Variants in CEP89 observed in about 807,000 individuals in gnomAD.
CEP89 encodes centrosomal protein of 89 kDa.
Under a neutral mutation model 97.6 loss-of-function variants are expected in CEP89, and 95 were observed. That is an observed-to-expected ratio of 0.97 (90% CI 0.82 to 1.15). CEP89 has a LOEUF of 1.15. Ranked by LOEUF, CEP89 falls within the 50% of genes most tolerant of loss-of-function variation. The pLI is 0.00. For synonymous variants in CEP89, 354 were observed against 349.1 expected (o/e 1.01, Z -0.16); for missense variants, 869 against 947.7 (o/e 0.92, Z 1.09).
At chr19:32,887,204 G>A (rs1021569214) in intron 17 of CEP89, among the ~76,000 whole-genome samples, 9 of 150,984 alleles carry the variant, frequency 6.0e-5, no homozygotes, top group African/African-American at 1.7e-4. Flanking sequence ...TTTTATTGGT[G>A]TTTTGTTTTG....
chr19:32,960,148 T>G, intron 2 of CEP89, 90 bp from the exon 3 acceptor site: 1 of 1,392,464 alleles, frequency 7.2e-7, no homozygotes, highest in Non-Finnish European at 1.0e-6. Flanking sequence ...AAGGCTTACC[T>G]TCTGCTGGAC....
chr19:32,907,736 G>A (rs1367803920), intron 14 of CEP89, among the ~76,000 whole-genome samples: 2 of 152,152 alleles, frequency 1.3e-5, no homozygotes, highest in African/African-American at 4.8e-5. Context: ...ATAGGCGCAT[G>A]CCACCACACT....
At chr19:32,958,543 G>A (rs1971098812) in intron 3 of CEP89, among the ~76,000 whole-genome samples, 1 of 152,054 alleles carries the variant, frequency 6.6e-6, no homozygotes. Flanking sequence ...GCCGGGAGAG[G>A]TGGCACACGC....
chr19:32,971,840 T>A lies in CEP89; in HGVS notation c.35A>T (p.His12Leu), dbSNP rs1272641762. 2 of 1,593,486 alleles carry A rather than the reference T, an allele frequency of 1.3e-6. No individual in the cohort carries two copies. The highest frequency in any genetic ancestry group is 1.7e-5 in the Admixed American group (1 of 58,472). The change falls in exon 1 of 19, where the codon CAT becomes CTT. Residue 12 changes from histidine to leucine, a missense_variant. Coordinates refer to ENST00000305768, the MANE Select transcript of CEP89 (RefSeq NM_032816.5). The stretch of plus-strand genomic sequence containing the variant: ...GGCGGGCGAGCATCTACTTACGAAA[T>A]GACTCCTGCGGCCTCTCCGAAATCC... ...LLGFRRGRRS[H>L]FKHIIHGLLP...
chr19:32,927,006 A>G, intron 9 of CEP89, 22 bp from the exon 10 acceptor site: 2 of 1,603,540 alleles, frequency 1.2e-6, no homozygotes, highest in Non-Finnish European at 1.7e-6. Flanking sequence ...ACATGTATTG[A>G]AGACAAGTTA....
At chr19:32,898,911 T>G (rs1378535181) in intron 16 of CEP89, among the ~76,000 whole-genome samples, 1 of 149,888 alleles carries the variant, frequency 6.7e-6, no homozygotes, top group Non-Finnish European at 1.5e-5. Flanking sequence ...AGATAAATGC[T>G]TGTGGTGATG....
intron 14 of CEP89, among the ~76,000 whole-genome samples, chr19:32,906,990 C>T (rs532850156): frequency 1.6e-4 from 24 of 152,074 alleles, no homozygotes; most frequent in South Asian, 8.3e-4. Context: ...TGAGTCACTG[C>T]GCCTGGCCTC....
Position 32,959,872 on chromosome 19 carries a change from G to A in CEP89, c.305+28C>T, listed in dbSNP as rs774194181. The A allele has an allele frequency of 9.3e-6, 15 of 1,612,410 alleles. No individual in the cohort carries two copies. The East Asian group carries it at 3.3e-4, about 36-fold the overall frequency. On this transcript the variant is annotated intron_variant, in intron 3 of 18. Transcript: ENST00000305768. ...GCCTGCCCCTCTTCCACTCTCAGAG[G>A]AAGCAGAGGCGGCGATCTGGTACCT...
chr19:32,909,004 C>A (rs1363921064), intron 14 of CEP89, among the ~76,000 whole-genome samples: 2 of 152,190 alleles, frequency 1.3e-5, no homozygotes, highest in African/African-American at 4.8e-5. Context: ...CCATTGGCAA[C>A]CCTGCATGGA....
chr19:32,961,206 G>A (rs535789253), intron 2 of CEP89, among the ~76,000 whole-genome samples: 2 of 152,106 alleles, frequency 1.3e-5, no homozygotes, highest in African/African-American at 4.8e-5. Flanking sequence ...ACTCAGAAAG[G>A]TCTGGCCTGG....
chr19:32,928,035 C>T (rs553346826), intron 9 of CEP89, among the ~76,000 whole-genome samples: 83 of 151,002 alleles, frequency 5.5e-4, no homozygotes, highest in African/African-American at 2.0e-3. Context: ...CATGCCTCAG[C>T]CTCCCGAGTA....
Position 32,901,383 on chromosome 19 carries a change from C to A in CEP89, c.1595G>T (p.Arg532Met), listed in dbSNP as rs1250970960. The change falls in exon 15 of 19, where the codon AGG (arginine) becomes ATG (methionine). Residue 532 changes from arginine (R) to methionine (M), a missense_variant. Physicochemically the swap from Arg to Met is moderately conservative, Grantham distance 91. Coordinates refer to ENST00000305768, the MANE Select transcript of CEP89 (RefSeq NM_032816.5). ...CTCCATCAACTCCTCCATCTCAGCC[C>A]TTTCTTTCTCTTCTTCCTTCTGTAA... is the stretch of plus-strand genomic sequence containing the variant. ...SQLQKEEEKE[R>M]AEMEELMEKL... 1.2e-6 allele frequency: 2 copies of A among 1,613,206 alleles called. No homozygotes were observed. Among genetic ancestry groups the A allele is most frequent in the Non-Finnish European group, 1.7e-6 (2 of 1,179,854 alleles).
At chr19:32,935,420 T>C (rs1970559021) in intron 7 of CEP89, among the ~76,000 whole-genome samples, 1 of 152,122 alleles carries the variant, frequency 6.6e-6, no homozygotes, top group Non-Finnish European at 1.5e-5. Flanking sequence ...TGGATGCGCA[T>C]GGTTACAACT....
intron 10 of CEP89, 89 bp downstream of exon 10, chr19:32,926,845 A>G: frequency 8.9e-7 from 1 of 1,125,316 alleles, no homozygotes; most frequent in Non-Finnish European, 1.3e-6. Context: ...TACAGACATG[A>G]GCCACCGCGC....
chr19:32,891,308 C>A (rs961154270), intron 16 of CEP89, among the ~76,000 whole-genome samples: 4 of 152,152 alleles, frequency 2.6e-5, no homozygotes, highest in Non-Finnish European at 4.4e-5. Flanking sequence ...TCACCACAGC[C>A]TGCAGGGAGT....
At chr19:32,897,817 T>C (rs1969675391) in intron 16 of CEP89, among the ~76,000 whole-genome samples, 1 of 152,130 alleles carries the variant, frequency 6.6e-6, no homozygotes, top group South Asian at 2.1e-4. Flanking sequence ...CCACCTCAGT[T>C]TCTCAAAGTA....
intron 2 of CEP89, among the ~76,000 whole-genome samples, chr19:32,965,519 A>T (rs1834560534): frequency 6.6e-6 from 1 of 151,554 alleles, no homozygotes; most frequent in South Asian, 2.1e-4. Context: ...AACATGGCAA[A>T]ACCCTATCTC....
At chr19:32,948,850 G>T (rs963362847) in intron 4 of CEP89, among the ~76,000 whole-genome samples, 1 of 152,042 alleles carries the variant, frequency 6.6e-6, no homozygotes, top group Non-Finnish European at 1.5e-5. Context: ...TCAGCCTCTG[G>T]AGTAGCTGGG....
Position 32,915,472 on chromosome 19 carries a change from T to A in CEP89, c.1430A>T (p.His477Leu). 1 of 1,613,088 alleles carries A rather than the reference T, an allele frequency of 6.2e-7. No homozygotes were observed. Among genetic ancestry groups the A allele is most frequent in the Non-Finnish European group, 8.5e-7 (1 of 1,179,830 alleles). Reference protein sequence around the residue: ...KQLMLLEAKTHGQEKELAENR... With the variant: ...KQLMLLEAKTLGQEKELAENR... The stretch of plus-strand genomic sequence containing the variant: ...CTCCGCCAGCTCCTTTTCCTGGCCG[T>A]GGGTTTTTGCCTCCAGGAGCATTAG... The change falls in exon 14 of 19, where the codon CAC becomes CTC. Residue 477 changes from histidine (H) to leucine (L), a missense_variant. His to Leu is a moderately conservative substitution (Grantham distance 99, BLOSUM62 -3). Coordinates refer to ENST00000305768, the MANE Select transcript of CEP89 (RefSeq NM_032816.5).
Sources: gnomAD v4.1 joint callset for allele counts (sites outside exome capture counted in the v4.1 genomes callset) on GRCh38, gnomAD v4.1.1 for gene constraint, MANE v1.5 for transcripts, NCBI Gene and HGNC (gene_info 2026-07-23, HGNC 2026-07-21) for gene names.